LRRC49: variants seen among roughly 807,000 people sequenced by gnomAD.
The protein encoded by LRRC49 is leucine-rich repeat-containing protein 49.
LRRC49 carries 50 observed loss-of-function variants against 83.3 expected under a neutral mutation model. That is an observed-to-expected ratio of 0.60 (90% confidence interval 0.48 to 0.76). The LOEUF (loss-of-function observed/expected upper bound fraction) is 0.76, where lower values mean the gene tolerates loss of function less well. Ranked by LOEUF, LRRC49 falls within the 30% of genes least tolerant of loss-of-function variation. The pLI, the probability that LRRC49 is intolerant of heterozygous loss-of-function variation, is 0.00. For missense variants in LRRC49, 704 were observed against 809.1 expected (o/e 0.87, Z 1.58); for synonymous variants, 286 against 283.3 (o/e 1.01, Z -0.10).
At chr15:70,876,283 A>G (rs2033149871) in intron 2 of LRRC49, among the ~76,000 whole-genome samples, 1 of 152,210 alleles carries the variant, frequency 6.6e-6, no homozygotes, top group African/African-American at 2.4e-5. Context: ...GTATTCATTT[A>G]GCAAATGCTT....
chr15:70,924,515 C>T (rs185246440), intron 7 of LRRC49, among the ~76,000 whole-genome samples: 1 of 152,104 alleles, frequency 6.6e-6, no homozygotes, highest in Admixed American at 6.5e-5. Context: ...CATCTCTACA[C>T]TCTTATCAGA....
chr15:71,025,546 A>G (rs1019325512), intron 14 of LRRC49, among the ~76,000 whole-genome samples: 2 of 152,218 alleles, frequency 1.3e-5, no homozygotes, highest in African/African-American at 4.8e-5. Context: ...TAAATGCCCC[A>G]ATTAAAAGAC....
chr15:70,991,553 C>G (rs2037879532), intron 11 of LRRC49, among the ~76,000 whole-genome samples: 1 of 152,296 alleles, frequency 6.6e-6, no homozygotes, highest in Non-Finnish European at 1.5e-5. Context: ...TAGTACTCAG[C>G]ATGTGGCAAG....
At chr15:70,876,513 A>G (rs1338542245) in intron 2 of LRRC49, among the ~76,000 whole-genome samples, 1 of 152,160 alleles carries the variant, frequency 6.6e-6, no homozygotes, top group Non-Finnish European at 1.5e-5. Flanking sequence ...AGAGAGGGTG[A>G]GGGTAGGGTC....
intron 7 of LRRC49, among the ~76,000 whole-genome samples, chr15:70,931,586 G>A (rs536369864): frequency 2.0e-4 from 31 of 151,964 alleles, no homozygotes; most frequent in African/African-American, 6.5e-4. Flanking sequence ...ATAATTAAAC[G>A]AGGCATGCAT....
At chr15:70,953,155 G>A (rs917315259) in intron 8 of LRRC49, among the ~76,000 whole-genome samples, 2 of 152,138 alleles carry the variant, frequency 1.3e-5, no homozygotes, top group Non-Finnish European at 2.9e-5. Context: ...GGACTGTGAG[G>A]ATTTGATCCT....
intron 8 of LRRC49, among the ~76,000 whole-genome samples, chr15:70,947,158 T>C (rs77458248): frequency 6.6e-6 from 1 of 152,174 alleles, no homozygotes; most frequent in African/African-American, 2.4e-5. Context: ...GATGCCAGTT[T>C]TTCATAGCTG....
intron 15 of LRRC49, 130 bp downstream of exon 15, chr15:71,037,462 T>C (rs2039559815): frequency 1.4e-6 from 1 of 727,576 alleles, no homozygotes; most frequent in African/African-American, 1.8e-5. Context: ...AACCTTATAT[T>C]ACAAAGCCAG....
At chr15:70,925,425 A>G (rs971161905) in intron 7 of LRRC49, among the ~76,000 whole-genome samples, 1 of 152,148 alleles carries the variant, frequency 6.6e-6, no homozygotes, top group African/African-American at 2.4e-5. Flanking sequence ...TAAAAGGAAG[A>G]TAGCCATGTA....
intron 9 of LRRC49, among the ~76,000 whole-genome samples, chr15:70,969,451 T>C (rs1268193284): frequency 2.0e-5 from 3 of 152,272 alleles, no homozygotes; most frequent in Middle Eastern, 6.8e-3. Flanking sequence ...CTTAGGATTG[T>C]CTTGGCTATA....
At position 71,052,133 on chromosome 15, in the gene LRRC49, A is replaced by G. The variant is rs998174093; in HGVS notation, c.*2521A>G. On this transcript the variant is annotated 3_prime_UTR_variant, in exon 16 of 16. Transcript: ENST00000260382. Reference sequence around the variant, plus strand: ...GGGTTAGGGATCAAGTGAGGGTCCTATGTTGTAAGTGAGTGGTGATCTAGG... The same window carrying G: ...GGGTTAGGGATCAAGTGAGGGTCCTGTGTTGTAAGTGAGTGGTGATCTAGG... The G allele has an allele frequency of 2.6e-5, 4 of 152,108 alleles. No homozygotes were observed. Among genetic ancestry groups the G allele is most frequent in the African/African-American group, 9.7e-5 (4 of 41,420 alleles). The allele number at this position is 152,108 out of a possible 1,614,324, so 9.4% of individuals were successfully genotyped here.
At chr15:70,969,820 T>C (rs1048729324) in intron 9 of LRRC49, among the ~76,000 whole-genome samples, 28 of 152,340 alleles carry the variant, frequency 1.8e-4, no homozygotes, top group African/African-American at 6.7e-4. Context: ...TTTTTGGATA[T>C]TGATTTTGTA....
At chr15:70,906,254 G>A (rs2034308665) in intron 5 of LRRC49, among the ~76,000 whole-genome samples, 1 of 151,884 alleles carries the variant, frequency 6.6e-6, no homozygotes, top group African/African-American at 2.4e-5. Context: ...GTGCCACCAT[G>A]CCCAGCTAAT....
At chr15:70,985,762 G>A (rs1317612779) in intron 11 of LRRC49, among the ~76,000 whole-genome samples, 1 of 149,246 alleles carries the variant, frequency 6.7e-6, no homozygotes, top group Non-Finnish European at 1.5e-5. Context: ...TATGGTTTTA[G>A]GTCTAACATT....
chr15:70,886,030 T>G (rs1353716131), intron 2 of LRRC49, among the ~76,000 whole-genome samples: 1 of 152,078 alleles, frequency 6.6e-6, no homozygotes, highest in African/African-American at 2.4e-5. Context: ...AAAATTTAAC[T>G]AAAAAATGCC....
At chr15:71,042,848 G>A (rs1348548661) in intron 15 of LRRC49, among the ~76,000 whole-genome samples, 1 of 152,172 alleles carries the variant, frequency 6.6e-6, no homozygotes, top group Non-Finnish European at 1.5e-5. Flanking sequence ...AGGAAAACTG[G>A]AAACTCAGAT....
At chr15:70,882,302 G>C in intron 2 of LRRC49, 1 of 625,422 alleles carries the variant, frequency 1.6e-6, no homozygotes, top group Non-Finnish European at 2.7e-6. Context: ...GTGTTGGCAA[G>C]CAAGCAAACT....
intron 8 of LRRC49, among the ~76,000 whole-genome samples, chr15:70,953,340 CTT>C (rs1717279547): frequency 6.6e-6 from 1 of 152,112 alleles, no homozygotes; most frequent in Admixed American, 6.5e-5. Context: ...AATGAATACT[CTT>C]AGCTTTGCTT....
At chr15:70,980,319 C>A (rs942942517) in intron 10 of LRRC49, 135 bp downstream of exon 10, 3 of 500,482 alleles carry the variant, frequency 6.0e-6, no homozygotes, top group Non-Finnish European at 1.1e-5. Flanking sequence ...AATGTACGTA[C>A]CCCTAAAACT....
Sources: gnomAD v4.1 joint callset for allele counts (sites outside exome capture counted in the v4.1 genomes callset) on GRCh38, gnomAD v4.1.1 for gene constraint, MANE v1.5 for transcripts, NCBI Gene and HGNC (gene_info 2026-07-23, HGNC 2026-07-21) for gene names.